PKNOX2: variants seen among roughly 807,000 people sequenced by gnomAD.
PKNOX2 encodes homeobox protein PKNOX2.
In PKNOX2, 14 loss-of-function variants were observed where a neutral mutation model predicts 53.1. The ratio of observed to expected loss-of-function variants is 0.26; its 90% CI spans 0.17 to 0.41. The LOEUF is 0.41. Ranked by LOEUF, PKNOX2 falls within the 10% of genes least tolerant of loss-of-function variation. The pLI is 1.00. For synonymous variants in PKNOX2, 257 were observed against 242.8 expected, an observed-to-expected ratio of 1.06 and a Z score of -0.54; for missense variants, 496 against 602.8, an observed-to-expected ratio of 0.82 and a Z score of 1.85.
At chr11:125,403,289 G>T (rs769597357) in intron 7 of PKNOX2, among the ~76,000 whole-genome samples, 1 of 152,148 alleles carries the variant, frequency 6.6e-6, no homozygotes, top group Non-Finnish European at 1.5e-5. Context: ...GGGGCTAATA[G>T]TGGTGGCCGA....
intron 1 of PKNOX2, among the ~76,000 whole-genome samples, chr11:125,226,851 C>A (rs756553753): frequency 1.4e-4 from 21 of 151,084 alleles, no homozygotes; most frequent in Non-Finnish European, 3.1e-4. Context: ...CTGTTGCAGG[C>A]TGGCCCAGCT....
At chr11:125,389,375 AT>A (rs2135404252) in intron 6 of PKNOX2, among the ~76,000 whole-genome samples, 1 of 152,244 alleles carries the variant, frequency 6.6e-6, no homozygotes, top group East Asian at 1.9e-4. Flanking sequence ...TCACTTGCAA[AT>A]AAAAGTGCCC....
chr11:125,271,336 C>T (rs1289705272), intron 2 of PKNOX2, among the ~76,000 whole-genome samples: 4 of 152,184 alleles, frequency 2.6e-5, no homozygotes, highest in Non-Finnish European at 5.9e-5. Context: ...ATTTGTACAC[C>T]GTGTCAATCT....
chr11:125,325,380 G>A (rs12291123), intron 2 of PKNOX2, among the ~76,000 whole-genome samples: 2 of 152,312 alleles, frequency 1.3e-5, no homozygotes, highest in African/African-American at 4.8e-5. Context: ...AGATAATTCA[G>A]TGACACAGCC....
intron 4 of PKNOX2, among the ~76,000 whole-genome samples, chr11:125,361,026 T>C (rs1430846504): frequency 2.0e-5 from 3 of 152,182 alleles, no homozygotes; most frequent in Admixed American, 6.5e-5. Flanking sequence ...GTCAGTTATG[T>C]GGTCAGGAAC....
intron 2 of PKNOX2, among the ~76,000 whole-genome samples, chr11:125,235,483 G>A (rs748052627): frequency 1.3e-5 from 2 of 152,228 alleles, no homozygotes; most frequent in Non-Finnish European, 2.9e-5. Context: ...GGCAACATCA[G>A]TCCTCAAACT....
At chr11:125,304,025 G>A (rs994121974) in intron 2 of PKNOX2, among the ~76,000 whole-genome samples, 1 of 152,226 alleles carries the variant, frequency 6.6e-6, no homozygotes, top group Non-Finnish European at 1.5e-5. Context: ...GGAATGCAGG[G>A]ATGTTGTTGG....
chr11:125,404,636 A>C (rs534126671), intron 7 of PKNOX2, among the ~76,000 whole-genome samples: 7 of 151,702 alleles, frequency 4.6e-5, no homozygotes, highest in African/African-American at 1.5e-4. Context: ...ACACACACAA[A>C]CACACACACA....
chr11:125,425,069 T>C (rs1164056769), intron 10 of PKNOX2, among the ~76,000 whole-genome samples: 1 of 152,192 alleles, frequency 6.6e-6, no homozygotes, highest in Non-Finnish European at 1.5e-5. Context: ...TTCAACTAGA[T>C]GATGCCGGGA....
chr11:125,366,130 C>A (rs888167098), intron 4 of PKNOX2, among the ~76,000 whole-genome samples: 1 of 152,268 alleles, frequency 6.6e-6, no homozygotes, highest in East Asian at 1.9e-4. Context: ...CTCATGTATT[C>A]CAAAAGGTCA....
rs78131255 is a variant in PKNOX2, at chr11:125,388,832, C to G, written c.399+3110C>G. On this transcript the variant is annotated intron_variant, in intron 6 of 12. Transcript: ENST00000298282. ...GATTTCAGTGGGAACCTCCCTCCCT[C>G]CATTAGCCACCTGCTCCCACAGCAC... 6.1e-4 allele frequency among the ~76,000 whole-genome samples: 93 copies of G among 152,258 alleles called. No homozygotes were observed. In the East Asian group the frequency reaches 0.017, roughly 28 times the overall value.
intron 5 of PKNOX2, among the ~76,000 whole-genome samples, chr11:125,376,378 G>A (rs1024420859): frequency 6.6e-6 from 1 of 152,142 alleles, no homozygotes; most frequent in Non-Finnish European, 1.5e-5. Flanking sequence ...CCGCTGGCTC[G>A]CTCCCACCCC....
chr11:125,235,611 C>T (rs529546188), intron 2 of PKNOX2, among the ~76,000 whole-genome samples: 9 of 152,366 alleles, frequency 5.9e-5, no homozygotes, highest in African/African-American at 1.9e-4. Flanking sequence ...AATAGCTTGA[C>T]CTCTTAGGCT....
chr11:125,242,055 T>C (rs920112946), intron 2 of PKNOX2, among the ~76,000 whole-genome samples: 1 of 150,402 alleles, frequency 6.6e-6, no homozygotes, highest in Non-Finnish European at 1.5e-5. Flanking sequence ...CCATGCACCA[T>C]GCAGAGGGAG....
intron 1 of PKNOX2, among the ~76,000 whole-genome samples, chr11:125,167,383 C>A (rs1954968067): frequency 6.6e-6 from 1 of 152,146 alleles, no homozygotes; most frequent in East Asian, 1.9e-4. Flanking sequence ...CGGCGACTGC[C>A]GCCGCGGAGC....
At chr11:125,318,579 CT>C (rs2136050206) in intron 2 of PKNOX2, among the ~76,000 whole-genome samples, 1 of 152,320 alleles carries the variant, frequency 6.6e-6, no homozygotes, top group African/African-American at 2.4e-5. Flanking sequence ...AGCAATAAGA[CT>C]GTCTCACTCA....
chr11:125,201,586 G>A (rs1239575194), intron 1 of PKNOX2, among the ~76,000 whole-genome samples: 1 of 152,134 alleles, frequency 6.6e-6, no homozygotes, highest in Admixed American at 6.5e-5. Flanking sequence ...GGAAGATTGC[G>A]CCACCTGTGC....
intron 10 of PKNOX2, among the ~76,000 whole-genome samples, chr11:125,423,864 G>T (rs941645963): frequency 6.6e-6 from 1 of 152,198 alleles, no homozygotes; most frequent in Non-Finnish European, 1.5e-5. Context: ...GAGGGAAAGA[G>T]AATAGTTTTG....
At chr11:125,316,742 T>A (rs1949220383) in intron 2 of PKNOX2, among the ~76,000 whole-genome samples, 1 of 152,206 alleles carries the variant, frequency 6.6e-6, no homozygotes, top group African/African-American at 2.4e-5. Context: ...AGTCATAATT[T>A]TTTGCTGCTG....
Sources: gnomAD v4.1 joint callset for allele counts (sites outside exome capture counted in the v4.1 genomes callset) on GRCh38, gnomAD v4.1.1 for gene constraint, MANE v1.5 for transcripts, NCBI Gene and HGNC (gene_info 2026-07-23, HGNC 2026-07-21) for gene names.